AKAP13: variants seen among roughly 807,000 people sequenced by gnomAD.
The protein encoded by AKAP13 is A-kinase anchoring protein 13, also known as A-kinase anchor protein 13.
AKAP13 carries 80 observed loss-of-function variants against 264.5 expected under a neutral mutation model. That is an observed-to-expected ratio of 0.30 (90% CI 0.25 to 0.36). The LOEUF is 0.36. Ranked by LOEUF, AKAP13 falls within the 10% of genes least tolerant of loss-of-function variation. AKAP13 has a pLI of 1.00. For missense variants in AKAP13, 3,712 were observed against 3,435.2 expected (o/e 1.08, Z -2.01); for synonymous variants, 1,380 against 1,250.2 (o/e 1.10, Z -2.19).
intron 3 of AKAP13, among the ~76,000 whole-genome samples, chr15:85,530,248 A>C (rs1349208610): frequency 1.3e-5 from 2 of 152,226 alleles, no homozygotes; most frequent in South Asian, 4.1e-4. Flanking sequence ...CTGAGTAAAC[A>C]GTCATTTTAG....
At chr15:85,547,463 T>C (rs958058908) in intron 5 of AKAP13, among the ~76,000 whole-genome samples, 10 of 152,240 alleles carry the variant, frequency 6.6e-5, no homozygotes, top group African/African-American at 1.4e-4. Flanking sequence ...CTTGGACATA[T>C]AAGGATTCTC....
chr15:85,593,182 C>T (rs943130721), intron 8 of AKAP13, among the ~76,000 whole-genome samples: 17 of 152,044 alleles, frequency 1.1e-4, no homozygotes, highest in East Asian at 1.9e-4. Context: ...CGTGGTGGTG[C>T]GCCCCTGTAA....
chr15:85,742,113 C>G (rs1032852070), intron 35 of AKAP13, among the ~76,000 whole-genome samples: 1 of 152,212 alleles, frequency 6.6e-6, no homozygotes, highest in Non-Finnish European at 1.5e-5. Flanking sequence ...TCTTCTTCTG[C>G]TTTTTGCATC....
chr15:85,747,229 A>T lies in AKAP13; in HGVS notation c.*2552A>T, dbSNP rs771366975. 3.9e-5 allele frequency: 6 copies of T among 152,118 alleles called. No individual in the cohort carries two copies. Among genetic ancestry groups the T allele is most frequent in the African/African-American group, 7.2e-5 (3 of 41,418 alleles). 9.4% of individuals were successfully genotyped at this position (152,118 alleles called of 1,614,324 possible). On this transcript the variant is annotated 3_prime_UTR_variant, in exon 37 of 37. Coordinates refer to ENST00000394518, the MANE Select transcript of AKAP13 (RefSeq NM_007200.5). ...AGAACTGTGCTTACATACCTTTGTC[A>T]TCTCTCTTCCCCCCTTGGAAGTTGT...
At chr15:85,595,259 C>T (rs1304666858) in intron 8 of AKAP13, among the ~76,000 whole-genome samples, 1 of 152,048 alleles carries the variant, frequency 6.6e-6, no homozygotes, top group Non-Finnish European at 1.5e-5. Context: ...GCCACCACAC[C>T]TAGCTAATTT....
intron 1 of AKAP13, among the ~76,000 whole-genome samples, chr15:85,457,641 A>G (rs899595016): frequency 1.3e-5 from 2 of 152,200 alleles, no homozygotes; most frequent in Non-Finnish European, 2.9e-5. Context: ...CAAACCAAAT[A>G]ATTTGCCTTT....
intron 1 of AKAP13, among the ~76,000 whole-genome samples, chr15:85,464,023 C>T (rs1034906278): frequency 3.3e-5 from 5 of 152,144 alleles, no homozygotes; most frequent in African/African-American, 7.2e-5. Context: ...TTACTGCTCC[C>T]GAGGCCCTGT....
chr15:85,575,284 C>T lies in AKAP13; in HGVS notation c.816C>T (p.Cys272=). The T allele has an allele frequency of 6.2e-7, 1 of 1,614,132 alleles. No individual in the cohort carries two copies. The highest frequency in any genetic ancestry group is 8.5e-7 in the Non-Finnish European group (1 of 1,180,024). The change falls in exon 6 of 37, where the codon TGC becomes TGT. Residue 272 remains cysteine, a synonymous_variant. Transcript: ENST00000394518. ...HHEHPFPGDG[C]TGPIFKLMNI... ...AACACCCATTTCCTGGAGACGGTTG[C>T]ACTGGACCAATTTTTAAACTTATGA...
rs1645421307 is a variant in AKAP13 at position 85,718,092 on chromosome 15, G to T, written c.5934G>T (p.Arg1978=). 6 of 1,614,030 alleles carry T rather than the reference G, an allele frequency of 3.7e-6. No homozygotes were observed. Among genetic ancestry groups the T allele is most frequent in the African/African-American group, 1.3e-5 (1 of 74,918 alleles). Residue 1978 remains arginine, a synonymous_variant, in exon 22 of 37, where the codon CGG becomes CGT. Transcript: ENST00000394518. The surrounding 1 kb of genome is among the most constrained non-coding windows in gnomAD (Gnocchi z 4.9). Reference sequence around the variant, plus strand: ...AGCTGGAAGCAGAGTCTTGGAGTCGGATAATAGACAGCAAGTTTCTAAAAC... The same window carrying T: ...AGCTGGAAGCAGAGTCTTGGAGTCGTATAATAGACAGCAAGTTTCTAAAAC... ...SKQLEAESWS[R]IIDSKFLKQQ...
intron 2 of AKAP13, among the ~76,000 whole-genome samples, chr15:85,502,995 A>G (rs1411550848): frequency 6.6e-6 from 1 of 152,194 alleles, no homozygotes; most frequent in African/African-American, 2.4e-5. Flanking sequence ...AGAGACATGG[A>G]GATTATGAAA....
At chr15:85,452,040 G>C (rs181341999) in intron 1 of AKAP13, among the ~76,000 whole-genome samples, 5 of 151,936 alleles carry the variant, frequency 3.3e-5, no homozygotes, top group African/African-American at 1.2e-4. Flanking sequence ...ATAATTTCTC[G>C]GAGGTTTTGT....
intron 1 of AKAP13, among the ~76,000 whole-genome samples, chr15:85,421,178 C>T (rs778956821): frequency 1.3e-5 from 2 of 152,130 alleles, no homozygotes; most frequent in Admixed American, 6.5e-5. Flanking sequence ...TCAAAACAGT[C>T]CAAGGCACAT....
intron 3 of AKAP13, among the ~76,000 whole-genome samples, chr15:85,527,533 G>C (rs913107453): frequency 8.3e-4 from 126 of 152,324 alleles, no homozygotes; most frequent in African/African-American, 2.9e-3. Context: ...GGAAGAAAAG[G>C]CTGAGAAACA....
chr15:85,459,352 A>ATTTT (rs557848037), intron 1 of AKAP13, among the ~76,000 whole-genome samples: 1 of 130,670 alleles, frequency 7.7e-6, no homozygotes, highest in Non-Finnish European at 1.6e-5. Flanking sequence ...CGCCCGGCTA[A>ATTTT]TTTTTTTTTT....
At chr15:85,688,593 A>G (rs1032242204) in intron 16 of AKAP13, among the ~76,000 whole-genome samples, 1 of 152,346 alleles carries the variant, frequency 6.6e-6, no homozygotes, top group Non-Finnish European at 1.5e-5. Context: ...TATTCCATTC[A>G]GTTGTATAAT....
At chr15:85,486,687 G>C (rs1352823622) in intron 2 of AKAP13, among the ~76,000 whole-genome samples, 1 of 145,454 alleles carries the variant, frequency 6.9e-6, no homozygotes, top group Non-Finnish European at 1.5e-5. Context: ...GTTGCTTATG[G>C]TTTTATTCAT....
intron 1 of AKAP13, among the ~76,000 whole-genome samples, chr15:85,457,518 T>C (rs573603290): frequency 6.6e-6 from 1 of 152,116 alleles, no homozygotes; most frequent in Non-Finnish European, 1.5e-5. Context: ...AGGTGGAGAT[T>C]GGAGAGCGCC....
intron 1 of AKAP13, among the ~76,000 whole-genome samples, chr15:85,397,041 C>A (rs1197270491): frequency 8.1e-6 from 1 of 123,434 alleles, no homozygotes; most frequent in Non-Finnish European, 1.6e-5. Flanking sequence ...TCCCCCCCGC[C>A]CCCCGAGGAT....
In AKAP13 at chr15:85,580,473, T is replaced by A. The variant is rs200345802; in HGVS notation, c.2405T>A (p.Leu802His). The A allele has an allele frequency of 5.0e-6, 8 of 1,614,226 alleles. No homozygotes were observed. The highest frequency in any genetic ancestry group is 6.8e-6 in the Non-Finnish European group (8 of 1,180,040). Residue 802 changes from leucine (L) to histidine (H), a missense_variant, in exon 7 of 37, where the codon CTT becomes CAT. By Grantham distance (99) the Leu-to-His change is moderately conservative (BLOSUM62 -3). Coordinates refer to ENST00000394518, the MANE Select transcript of AKAP13 (RefSeq NM_007200.5). ...GAATCAGTAACCAAGGATGACGCAC[T>A]TTCTTTTGTCCCCTCCCAGAAAGAA... ...GSESVTKDDA[L>H]SFVPSQKEKG...
Sources: allele counts gnomAD v4.1 joint callset (sites outside exome capture counted in the v4.1 genomes callset), GRCh38; gene constraint gnomAD v4.1.1; non-coding constraint Gnocchi (gnomAD v3.1); transcripts MANE v1.5; gene names NCBI Gene and HGNC (gene_info 2026-07-23, HGNC 2026-07-21).